Variants in KCNG3 observed in about 807,000 individuals in gnomAD.
KCNG3 encodes the protein voltage-gated potassium channel regulatory subunit KCNG3.
Under a neutral mutation model 29.0 loss-of-function variants are expected in KCNG3, and 15 were observed. The ratio of observed to expected loss-of-function variants is 0.52; its 90% CI spans 0.35 to 0.80. The LOEUF (loss-of-function observed/expected upper bound fraction) is 0.80, where lower values mean the gene tolerates loss of function less well. Ranked by LOEUF, KCNG3 falls within the 30% of genes least tolerant of loss-of-function variation. KCNG3 has a pLI of 0.01. For missense variants in KCNG3, 512 were observed against 605.7 expected, an observed-to-expected ratio of 0.85 and a Z score of 1.62; for synonymous variants, 322 against 248.9, an observed-to-expected ratio of 1.29 and a Z score of -2.76.
At chr2:42,474,045 G>C (rs1002281187) in intron 1 of KCNG3, among the ~76,000 whole-genome samples, 13 of 151,738 alleles carry the variant, frequency 8.6e-5, no homozygotes, top group African/African-American at 2.9e-4. Flanking sequence ...CCAGCTACTT[G>C]GGAGGCTGAG....
intron 1 of KCNG3, among the ~76,000 whole-genome samples, chr2:42,466,418 A>T (rs570311027): frequency 6.6e-6 from 1 of 152,280 alleles, no homozygotes; most frequent in African/African-American, 2.4e-5. Context: ...AAACAAACAA[A>T]AACAAAAACA....
the KCNG3 span, among the ~76,000 whole-genome samples, chr2:42,399,060 T>G: frequency 1.4e-5 from 2 of 140,922 alleles, no homozygotes; most frequent in East Asian, 3.9e-4. Context: ...TCTTTTCTTT[T>G]TTTTTTTTTT....
the KCNG3 span, among the ~76,000 whole-genome samples, chr2:42,435,537 G>A: frequency 1.3e-5 from 2 of 152,140 alleles, no homozygotes; most frequent in Non-Finnish European, 2.9e-5. Context: ...AAAAGGATCT[G>A]TATCCAGAAT....
chr2:42,405,042 C>A, the KCNG3 span, among the ~76,000 whole-genome samples: 18 of 152,254 alleles, frequency 1.2e-4, no homozygotes, highest in Non-Finnish European at 2.2e-4. Context: ...AAATCTCACA[C>A]AACTGCAGCT....
At chr2:42,396,490 C>T in the KCNG3 span, among the ~76,000 whole-genome samples, 2,052 of 152,184 alleles carry the variant, frequency 0.013, 37 homozygotes, top group African/African-American at 0.047. Flanking sequence ...CAGGGAATGA[C>T]AAAATAAACT....
At chr2:42,488,314 C>T (rs1402151662) in intron 1 of KCNG3, among the ~76,000 whole-genome samples, 1 of 152,118 alleles carries the variant, frequency 6.6e-6, no homozygotes, top group African/African-American at 2.4e-5. Flanking sequence ...TAAAAGTAAA[C>T]CATACTCTTA....
chr2:42,412,117 A>G, the KCNG3 span, among the ~76,000 whole-genome samples: 1 of 152,220 alleles, frequency 6.6e-6, no homozygotes, highest in East Asian at 1.9e-4. Flanking sequence ...CTTTGTGGAC[A>G]TGAGAAGATT....
the KCNG3 span, among the ~76,000 whole-genome samples, chr2:42,414,168 C>G: frequency 6.6e-6 from 1 of 152,154 alleles, no homozygotes; most frequent in Non-Finnish European, 1.5e-5. Context: ...CTCTTTTTCA[C>G]CTTTTCTTGT....
At chr2:42,434,480 AAAAAAAGAG>A in the KCNG3 span, among the ~76,000 whole-genome samples, 19 of 148,686 alleles carry the variant, frequency 1.3e-4, no homozygotes, top group Admixed American at 2.7e-4. Context: ...AAAAAAAAAA[AAAAAAAGAG>A]AGAGAGAGGG....
chr2:42,427,604 CAAA>C, the KCNG3 span, among the ~76,000 whole-genome samples: 2 of 107,980 alleles, frequency 1.9e-5, no homozygotes, highest in Non-Finnish European at 1.9e-5. Flanking sequence ...GACCCTGTCT[CAAA>C]AAAAAAAAAA....
At chr2:42,472,905 T>TA (rs199588384) in intron 1 of KCNG3, among the ~76,000 whole-genome samples, 2,866 of 59,394 alleles carry the variant, frequency 0.048, 30 homozygotes, top group Admixed American at 0.087. Context: ...ATATATATAT[T>TA]TTTTTTTTTT....
At chr2:42,489,364 G>A (rs1254598074) in intron 1 of KCNG3, among the ~76,000 whole-genome samples, 1 of 152,084 alleles carries the variant, frequency 6.6e-6, no homozygotes, top group Admixed American at 6.5e-5. Context: ...ACTCCGGCCT[G>A]GGTGACAGAG....
At chr2:42,416,933 CA>C in the KCNG3 span, among the ~76,000 whole-genome samples, 1 of 151,536 alleles carries the variant, frequency 6.6e-6, no homozygotes, top group South Asian at 2.1e-4. Flanking sequence ...TGTCATACCC[CA>C]CAAATATATT....
chr2:42,389,067 G>A, the KCNG3 span, among the ~76,000 whole-genome samples: 1 of 151,998 alleles, frequency 6.6e-6, no homozygotes, highest in African/African-American at 2.4e-5. Flanking sequence ...ACAGGCACCT[G>A]CCACCACACC....
At chr2:42,421,045 G>A in the KCNG3 span, among the ~76,000 whole-genome samples, 6 of 152,234 alleles carry the variant, frequency 3.9e-5, no homozygotes, top group South Asian at 8.3e-4. Context: ...ACACAAAAAT[G>A]ACTCAATGAG....
At chr2:42,483,117 T>C (rs1013638364) in intron 1 of KCNG3, among the ~76,000 whole-genome samples, 7 of 152,072 alleles carry the variant, frequency 4.6e-5, no homozygotes, top group Admixed American at 1.3e-4. Context: ...CAAGACCCTG[T>C]CTCAAAAAAA....
intron 1 of KCNG3, among the ~76,000 whole-genome samples, chr2:42,472,025 TAAG>T (rs1673302624): frequency 6.6e-6 from 1 of 152,146 alleles, no homozygotes; most frequent in African/African-American, 2.4e-5. Flanking sequence ...TCACTACTGT[TAAG>T]AATATAAATC....
intron 1 of KCNG3, among the ~76,000 whole-genome samples, chr2:42,484,644 T>C (rs1371132773): frequency 6.6e-6 from 1 of 152,204 alleles, no homozygotes; most frequent in African/African-American, 2.4e-5. Context: ...ATTGAAGAGA[T>C]AGGGCAAGTT....
intron 1 of KCNG3, among the ~76,000 whole-genome samples, chr2:42,459,364 T>C (rs896032726): frequency 6.6e-6 from 1 of 152,170 alleles, no homozygotes; most frequent in African/African-American, 2.4e-5. Context: ...TCTCAGAGTG[T>C]GGGCATTTAT....
Sources: allele counts gnomAD v4.1 joint callset (sites outside exome capture counted in the v4.1 genomes callset), GRCh38; gene constraint gnomAD v4.1.1; transcripts MANE v1.5; gene names NCBI Gene and HGNC (gene_info 2026-07-23, HGNC 2026-07-21).